CDH12: variants seen among roughly 807,000 people sequenced by gnomAD.
CDH12 encodes the protein cadherin-12.
A neutral mutation model predicts 74.1 loss-of-function variants in CDH12; 41 were observed. That is an observed-to-expected ratio of 0.55 (90% confidence interval 0.43 to 0.72). The LOEUF (loss-of-function observed/expected upper bound fraction) is 0.72. Among genes scored for constraint, CDH12 ranks in the 30% least tolerant of loss-of-function variants. The pLI is 0.00. For missense variants in CDH12, 945 were observed against 977.2 expected (o/e 0.97, Z 0.44); for synonymous variants, 399 against 355.0 (o/e 1.12, Z -1.39).
At chr5:21,780,571 A>G (rs1745850450) in intron 11 of CDH12, among the ~76,000 whole-genome samples, 1 of 152,222 alleles carries the variant, frequency 6.6e-6, no homozygotes, top group South Asian at 2.1e-4. Flanking sequence ...TCATGTGTGT[A>G]TGAATAGGAA....
intron 14 of CDH12, among the ~76,000 whole-genome samples, chr5:21,753,935 G>T (rs1022598369): frequency 6.6e-6 from 1 of 152,136 alleles, no homozygotes; most frequent in African/African-American, 2.4e-5. Context: ...TGGAAATAGA[G>T]TATAGCAATG....
chr5:22,675,360 A>G (rs973468932), intron 1 of CDH12, among the ~76,000 whole-genome samples: 39 of 152,164 alleles, frequency 2.6e-4, no homozygotes, highest in African/African-American at 9.2e-4. Flanking sequence ...CACAGAAGTC[A>G]AGAATTGAGG....
chr5:22,422,996 TTG>T, intron 2 of CDH12, among the ~76,000 whole-genome samples: 1 of 152,286 alleles, frequency 6.6e-6, no homozygotes, highest in Admixed American at 6.5e-5. Context: ...AATACTGTTA[TTG>T]ACTATAGTCA....
chr5:22,371,473 T>TA (rs1400876620), intron 3 of CDH12, among the ~76,000 whole-genome samples: 4 of 152,136 alleles, frequency 2.6e-5, no homozygotes, highest in Non-Finnish European at 4.4e-5. Flanking sequence ...TCTCTGTAAG[T>TA]AGAGTGATAC....
chr5:22,133,756 T>C (rs1422105208), intron 4 of CDH12, among the ~76,000 whole-genome samples: 2 of 152,208 alleles, frequency 1.3e-5, no homozygotes, highest in South Asian at 2.1e-4. Context: ...CGTGTACATA[T>C]ACATAATTAA....
chr5:21,833,308 T>TTATATAACATATAA (rs1749296951), intron 8 of CDH12, among the ~76,000 whole-genome samples: 1 of 34,464 alleles, frequency 2.9e-5, no homozygotes, highest in Non-Finnish European at 3.8e-5. Context: ...ATATTATATG[T>TTATATAACATATAA]TATATGTTAT....
intron 1 of CDH12, among the ~76,000 whole-genome samples, chr5:22,563,843 A>G (rs1010945856): frequency 6.6e-6 from 1 of 152,156 alleles, no homozygotes; most frequent in Non-Finnish European, 1.5e-5. Context: ...GGGCTTGTGC[A>G]GAGAAACTCC....
chr5:21,788,867 T>C (rs748477575), intron 10 of CDH12, among the ~76,000 whole-genome samples: 10 of 152,038 alleles, frequency 6.6e-5, no homozygotes, highest in Non-Finnish European at 1.0e-4. Flanking sequence ...GTTTAATCCA[T>C]TCCCATTCAA....
chr5:22,731,998 A>G (rs1329404005), intron 1 of CDH12, among the ~76,000 whole-genome samples: 1 of 151,898 alleles, frequency 6.6e-6, no homozygotes, highest in Non-Finnish European at 1.5e-5. Flanking sequence ...AGAGAAACTA[A>G]GGGTTGAACT....
rs147123331 is a variant in CDH12, at chr5:22,582,472, T to C, written c.-522-77108A>G. 7.1e-3 allele frequency among the ~76,000 whole-genome samples: 1,081 copies of C among 152,282 alleles called. 5 individuals are homozygous for C. The highest frequency in any genetic ancestry group is 0.023 in the Admixed American group (346 of 15,280). ...TTTCTTGTATATGCTTCCTGGTGAG[T>C]GTATGAGTAATTTCATTACTGGATA... On this transcript the variant is annotated intron_variant, in intron 1 of 14. Coordinates refer to ENST00000382254, the MANE Select transcript of CDH12 (RefSeq NM_004061.5).
chr5:22,604,242 G>A (rs1248583036), intron 1 of CDH12, among the ~76,000 whole-genome samples: 1 of 152,204 alleles, frequency 6.6e-6, no homozygotes, highest in Non-Finnish European at 1.5e-5. Flanking sequence ...ATTTCTGGGG[G>A]GTGGGGTATT....
intron 6 of CDH12, among the ~76,000 whole-genome samples, chr5:21,902,385 CTAAG>C (rs1753432455): frequency 6.6e-6 from 1 of 151,866 alleles, no homozygotes; most frequent in Admixed American, 6.6e-5. Flanking sequence ...CTTTGCTACT[CTAAG>C]TATGTTTCCA....
chr5:21,771,821 A>C (rs1425719271), intron 11 of CDH12, among the ~76,000 whole-genome samples: 1 of 152,192 alleles, frequency 6.6e-6, no homozygotes, highest in African/African-American at 2.4e-5. Flanking sequence ...AAATATGTCA[A>C]ATAAATATAT....
At chr5:22,402,051 A>G (rs964608871) in intron 3 of CDH12, among the ~76,000 whole-genome samples, 3 of 152,176 alleles carry the variant, frequency 2.0e-5, no homozygotes, top group Non-Finnish European at 4.4e-5. Flanking sequence ...TTGTTGTTTT[A>G]AATCACCCAA....
intron 1 of CDH12, among the ~76,000 whole-genome samples, chr5:22,553,015 T>C (rs1413351494): frequency 6.6e-6 from 1 of 152,160 alleles, no homozygotes; most frequent in Non-Finnish European, 1.5e-5. Flanking sequence ...TGGGTAGGCA[T>C]TTCTACTTGT....
At chr5:22,690,984 T>C (rs1307046164) in intron 1 of CDH12, among the ~76,000 whole-genome samples, 1 of 152,294 alleles carries the variant, frequency 6.6e-6, no homozygotes, top group East Asian at 1.9e-4. Flanking sequence ...GACCGATCCA[T>C]GCAATGAGTT....
intron 5 of CDH12, among the ~76,000 whole-genome samples, chr5:22,010,379 C>G (rs959899886): frequency 6.6e-6 from 1 of 152,046 alleles, no homozygotes; most frequent in African/African-American, 2.4e-5. Flanking sequence ...GGGCATTAAC[C>G]CCCCATCTAT....
chr5:22,657,375 A>G (rs899661110), intron 1 of CDH12, among the ~76,000 whole-genome samples: 1 of 152,162 alleles, frequency 6.6e-6, no homozygotes, highest in East Asian at 1.9e-4. Context: ...CATTTAGGAT[A>G]TATGCAATTT....
intron 2 of CDH12, among the ~76,000 whole-genome samples, chr5:22,488,258 C>G (rs988983743): frequency 2.0e-5 from 3 of 152,156 alleles, no homozygotes; most frequent in Admixed American, 2.0e-4. Context: ...ATGACTTAAT[C>G]ATTTAAACCA....
Sources: allele counts gnomAD v4.1 joint callset (sites outside exome capture counted in the v4.1 genomes callset), GRCh38; gene constraint gnomAD v4.1.1; transcripts MANE v1.5; gene names NCBI Gene and HGNC (gene_info 2026-07-23, HGNC 2026-07-21).